RAB3C: variants seen among roughly 807,000 people sequenced by gnomAD.
RAB3C encodes the protein ras-related protein Rab-3C.
RAB3C carries 17 observed loss-of-function variants against 26.4 expected under a neutral mutation model. The observed-to-expected ratio is 0.64, with a 90% CI of 0.44 to 0.97. The LOEUF (loss-of-function observed/expected upper bound fraction) is 0.97. RAB3C is among the 50% of genes least tolerant of loss of function. The pLI is 0.00. For synonymous variants in RAB3C, 91 were observed against 95.9 expected (o/e 0.95, Z 0.30); for missense variants, 242 against 281.9 (o/e 0.86, Z 1.01).
intron 2 of RAB3C, among the ~76,000 whole-genome samples, chr5:58,678,711 C>T (rs1379228789): frequency 1.3e-5 from 2 of 152,124 alleles, no homozygotes; most frequent in African/African-American, 2.4e-5. Context: ...TTCACCCATT[C>T]TCTATTTTCT....
intron 2 of RAB3C, among the ~76,000 whole-genome samples, chr5:58,684,100 C>T (rs1188222283): frequency 1.3e-5 from 2 of 152,158 alleles, no homozygotes; most frequent in Non-Finnish European, 2.9e-5. Context: ...AAACATGCAT[C>T]TGCACTGAAC....
intron 3 of RAB3C, among the ~76,000 whole-genome samples, chr5:58,733,397 G>C (rs753840422): frequency 6.6e-6 from 1 of 152,178 alleles, no homozygotes; most frequent in African/African-American, 2.4e-5. Context: ...TGATGTTTAC[G>C]ATGTGCTTCA....
intron 3 of RAB3C, among the ~76,000 whole-genome samples, chr5:58,810,364 G>GCT (rs143427018): frequency 0.23 from 23,747 of 102,424 alleles, 2,066 homozygotes; most frequent in Middle Eastern, 0.31. Flanking sequence ...TACTCTGTGT[G>GCT]CTCTCTCTCT....
intron 4 of RAB3C, among the ~76,000 whole-genome samples, chr5:58,835,492 C>T (rs192203411): frequency 2.0e-5 from 3 of 152,270 alleles, no homozygotes; most frequent in Non-Finnish European, 4.4e-5. Flanking sequence ...CTCTAACAAA[C>T]GTTATGTTTA....
At chr5:58,797,795 C>A (rs1227898858) in intron 3 of RAB3C, among the ~76,000 whole-genome samples, 1 of 152,136 alleles carries the variant, frequency 6.6e-6, no homozygotes, top group Admixed American at 6.5e-5. Flanking sequence ...ATTCTATGGT[C>A]AAGGTATCCC....
chr5:58,797,325 G>T (rs1457561682), intron 3 of RAB3C, among the ~76,000 whole-genome samples: 1 of 122,254 alleles, frequency 8.2e-6, no homozygotes, highest in African/African-American at 3.3e-5. Context: ...AAGGATATCA[G>T]ACTCCCTGGA....
intron 1 of RAB3C, among the ~76,000 whole-genome samples, chr5:58,609,453 C>G (rs182043601): frequency 2.8e-3 from 425 of 152,268 alleles, no homozygotes; most frequent in Non-Finnish European, 4.8e-3. Flanking sequence ...GAACTAGTTA[C>G]ACCTTCTAGG....
At chr5:58,815,830 T>C (rs1194449591) in intron 3 of RAB3C, 1 of 152,010 alleles carries the variant, frequency 6.6e-6, no homozygotes, top group East Asian at 1.9e-4. Context: ...CAAGGGGGGA[T>C]GTGAATAAGT....
At chr5:58,845,809 A>G (rs946827439) in intron 4 of RAB3C, among the ~76,000 whole-genome samples, 2 of 151,516 alleles carry the variant, frequency 1.3e-5, no homozygotes, top group African/African-American at 4.9e-5. Flanking sequence ...ATTTTGGAAT[A>G]TTTTCATAAC....
intron 3 of RAB3C, among the ~76,000 whole-genome samples, chr5:58,756,003 A>G (rs1741647720): frequency 6.6e-6 from 1 of 152,082 alleles, no homozygotes; most frequent in Non-Finnish European, 1.5e-5. Flanking sequence ...ACACTTTTTA[A>G]AACTTTTTAT....
intron 3 of RAB3C, among the ~76,000 whole-genome samples, chr5:58,745,687 C>T (rs1345542550): frequency 6.6e-6 from 1 of 152,190 alleles, no homozygotes; most frequent in Non-Finnish European, 1.5e-5. Context: ...TTCCTTCTTT[C>T]TGATCTCCTG....
chr5:58,840,083 T>C (rs1743845206), intron 4 of RAB3C, among the ~76,000 whole-genome samples: 1 of 152,028 alleles, frequency 6.6e-6, no homozygotes, highest in Non-Finnish European at 1.5e-5. Flanking sequence ...TTTCCCTTCT[T>C]TTCTGCTTCC....
chr5:58,817,876 T>C (rs1485871070), intron 3 of RAB3C, among the ~76,000 whole-genome samples: 1 of 152,180 alleles, frequency 6.6e-6, no homozygotes, highest in Non-Finnish European at 1.5e-5. Flanking sequence ...GTTGGGAAGT[T>C]TCTTTACAAA....
intron 4 of RAB3C, among the ~76,000 whole-genome samples, chr5:58,847,254 G>C (rs915638355): frequency 9.2e-5 from 14 of 152,164 alleles, no homozygotes; most frequent in Admixed American, 2.6e-4. Context: ...AGCTAAATCA[G>C]TAACTTATTT....
At chr5:58,598,262 T>C (rs538780976) in intron 1 of RAB3C, among the ~76,000 whole-genome samples, 1 of 149,424 alleles carries the variant, frequency 6.7e-6, no homozygotes, top group South Asian at 2.1e-4. Flanking sequence ...ACATTATATA[T>C]ATATATATAG....
intron 2 of RAB3C, among the ~76,000 whole-genome samples, chr5:58,620,291 A>G (rs1285805322): frequency 2.0e-5 from 3 of 152,202 alleles, no homozygotes; most frequent in Non-Finnish European, 4.4e-5. Context: ...CTCTTTAGGT[A>G]CATTAGGAGC....
intron 2 of RAB3C, among the ~76,000 whole-genome samples, chr5:58,673,421 C>A (rs1341306153): frequency 6.6e-6 from 1 of 150,804 alleles, no homozygotes; most frequent in African/African-American, 2.4e-5. Flanking sequence ...GGAGCGGTTT[C>A]TTTCTTCTTC....
intron 3 of RAB3C, among the ~76,000 whole-genome samples, chr5:58,740,752 G>A (rs1273041729): frequency 1.3e-5 from 2 of 152,106 alleles, no homozygotes; most frequent in Admixed American, 6.5e-5. Context: ...CCCAGGAGGT[G>A]GATATTGCAG....
At chr5:58,658,395 G>T (rs2409576) in intron 2 of RAB3C, among the ~76,000 whole-genome samples, 1 of 151,896 alleles carries the variant, frequency 6.6e-6, no homozygotes, top group African/African-American at 2.4e-5. Flanking sequence ...TTCTAGATAT[G>T]CAATCATGTC....
Sources: allele counts gnomAD v4.1 joint callset (sites outside exome capture counted in the v4.1 genomes callset), GRCh38; gene constraint gnomAD v4.1.1; transcripts MANE v1.5; gene names NCBI Gene and HGNC (gene_info 2026-07-23, HGNC 2026-07-21).